Variants in MAP3K7CL observed in about 807,000 individuals in gnomAD.
MAP3K7CL encodes the protein MAP3K7 C-terminal-like protein.
MAP3K7CL carries 16 observed loss-of-function variants against 18.6 expected under a neutral mutation model. The ratio of observed to expected loss-of-function variants is 0.86; its 90% confidence interval spans 0.58 to 1.31. MAP3K7CL has a LOEUF of 1.31. Ranked by LOEUF, MAP3K7CL falls within the 50% of genes most tolerant of loss-of-function variation. The probability of loss-of-function intolerance (pLI) is 0.00; values close to 1 mark genes in which losing one functional copy is unlikely to be tolerated. For synonymous variants in MAP3K7CL, 65 were observed against 66.8 expected, an observed-to-expected ratio of 0.97 and a Z score of 0.13; for missense variants, 163 against 174.4, an observed-to-expected ratio of 0.93 and a Z score of 0.37.
chr21:29,101,263 T>G lies in MAP3K7CL; in HGVS notation c.370+8682T>G, dbSNP rs185496965. ...GAAGTGGAATCATTGGAGACCATTT[T>G]CCAGGCTGTCTAGCACAGAGTATCT... On this transcript the variant is annotated intron_variant, in intron 4 of 6. Transcript: ENST00000286791. Among the ~76,000 whole-genome samples the G allele has an allele frequency of 3.0e-3, 456 of 152,320 alleles. 4 individuals are homozygous for G. The highest frequency in any genetic ancestry group is 0.01 in the African/African-American group (419 of 41,574).
At chr21:29,082,857 C>G (rs575925478), upstream of MAP3K7CL, among the ~76,000 whole-genome samples, 1 of 152,166 alleles carries the variant, frequency 6.6e-6, no homozygotes, top group South Asian at 2.1e-4. Flanking sequence ...TAAGAAAATA[C>G]TGGGATCAAT....
At chr21:29,121,052 T>C (rs1483061995) in intron 4 of MAP3K7CL, among the ~76,000 whole-genome samples, 1 of 52,392 alleles carries the variant, frequency 1.9e-5, no homozygotes, top group Non-Finnish European at 4.2e-5. Flanking sequence ...GGCAACAGAG[T>C]CAGATATATA....
chr21:29,146,196 T>A (rs1439101042), intron 2 of MAP3K7CL, among the ~76,000 whole-genome samples: 1 of 152,192 alleles, frequency 6.6e-6, no homozygotes, highest in African/African-American at 2.4e-5. Context: ...TCTCATACTT[T>A]ACAGAGTGGT....
chr21:29,092,354 A>T, intron 3 of MAP3K7CL: 1 of 1,523,812 alleles, frequency 6.6e-7, no homozygotes, highest in African/African-American at 1.4e-5. Flanking sequence ...ATTTCTTCTC[A>T]GGGAAAAAAA....
In MAP3K7CL at chr21:29,133,382, T is replaced by C; in HGVS notation, c.38T>C (p.Val13Ala). The change falls in exon 2 of 5, where the codon GTA (valine) becomes GCA (alanine). Residue 13 changes from valine (V) to alanine (A), a missense_variant. Val to Ala is a moderately conservative substitution (Grantham distance 64, BLOSUM62 0). Transcript: ENST00000399928. The stretch of plus-strand genomic sequence containing the variant: ...GCCAGGGTACCTGCTGACAAGCCTG[T>C]ACGCATCGCCTTTAGCCTCAATGAC... ...STARVPADKP[V>A]RIAFSLNDAS... 1 of 1,550,282 alleles carries C rather than the reference T, an allele frequency of 6.5e-7. No individual in the cohort carries two copies. The highest frequency in any genetic ancestry group is 8.7e-7 in the Non-Finnish European group (1 of 1,146,740).
In MAP3K7CL at chr21:29,156,702, C is replaced by T. The variant is rs147009579; in HGVS notation, c.133-3239C>T. ...CCATCCTACATGGAACAACACATCA[C>T]ATTATTCTATAGTGCCACTTTTTGT... On this transcript the variant is annotated intron_variant, in intron 3 of 4. Coordinates refer to ENST00000399928, the MANE Select transcript of MAP3K7CL (RefSeq NM_001286620.2). 9.4e-3 allele frequency among the ~76,000 whole-genome samples: 1,438 copies of T among 152,296 alleles called. 38 individuals carry two copies. Among genetic ancestry groups the T allele is most frequent in the Admixed American group, 0.051 (784 of 15,298 alleles).
At chr21:29,083,846 G>GTA (rs916031989), upstream of MAP3K7CL, among the ~76,000 whole-genome samples, 1 of 147,830 alleles carries the variant, frequency 6.8e-6, no homozygotes, top group South Asian at 2.1e-4. Context: ...GTGTGTGTGT[G>GTA]TATATATGTG....
chr21:29,101,622 A>C (rs1334951793), intron 4 of MAP3K7CL, among the ~76,000 whole-genome samples: 2 of 152,036 alleles, frequency 1.3e-5, no homozygotes, highest in African/African-American at 4.8e-5. Context: ...GTTAGCCAGG[A>C]TGGTCTCGAT....
At chr21:29,094,361 C>G (rs911050420) in intron 4 of MAP3K7CL, among the ~76,000 whole-genome samples, 1 of 152,190 alleles carries the variant, frequency 6.6e-6, no homozygotes, top group Non-Finnish European at 1.5e-5. Context: ...GGGGAAGTAT[C>G]GAAACACAGA....
At chr21:29,133,250 GTATT>G in intron 1 of MAP3K7CL, 52 bp from the exon 2 acceptor site, 2 of 1,365,602 alleles carry the variant, frequency 1.5e-6, no homozygotes, top group Non-Finnish European at 2.0e-6. Flanking sequence ...GGGCCTCTGA[GTATT>G]TAGGGGGATG....
At chr21:29,105,155 G>A (rs1568938282) in intron 4 of MAP3K7CL, among the ~76,000 whole-genome samples, 2 of 152,186 alleles carry the variant, frequency 1.3e-5, no homozygotes, top group African/African-American at 4.8e-5. Flanking sequence ...CATTCTCTGG[G>A]CAATTCCTCA....
At chr21:29,166,650 CATATA>C (rs1376433941) in intron 4 of MAP3K7CL, among the ~76,000 whole-genome samples, 2 of 152,316 alleles carry the variant, frequency 1.3e-5, no homozygotes, top group Admixed American at 6.5e-5. Flanking sequence ...CAAATGGAAT[CATATA>C]ATATGTAATC....
chr21:29,098,195 C>G (rs997997346), intron 4 of MAP3K7CL, among the ~76,000 whole-genome samples: 1 of 152,170 alleles, frequency 6.6e-6, no homozygotes, highest in Non-Finnish European at 1.5e-5. Flanking sequence ...ACCAGCAAGT[C>G]AGTTCCCTTT....
intron 2 of MAP3K7CL, among the ~76,000 whole-genome samples, chr21:29,141,535 G>A (rs950687892): frequency 2.7e-5 from 4 of 150,062 alleles, no homozygotes; most frequent in Non-Finnish European, 3.0e-5. Context: ...AAAAAAAAGA[G>A]AGAAATTGTC....
chr21:29,124,274 A>C (rs1460576978), intron 4 of MAP3K7CL, among the ~76,000 whole-genome samples: 3 of 149,376 alleles, frequency 2.0e-5, no homozygotes, highest in Non-Finnish European at 4.4e-5. Flanking sequence ...GAATCGTTTG[A>C]ACCTGGGAGG....
Position 29,109,190 on chromosome 21 carries a change from A to G in MAP3K7CL, c.370+16609A>G, listed in dbSNP as rs762063373. 4.6e-5 allele frequency: 70 copies of G among 1,535,362 alleles called. No homozygotes were observed. In the East Asian group the frequency reaches 1.3e-3, roughly 28 times the overall value. ...CCACCAGTGCGGACTGCAGGTATGG[A>G]CATAGGGAAGGGTGGGTAAGTATTA... On this transcript the variant is annotated intron_variant, in intron 4 of 6. Coordinates refer to the MAP3K7CL transcript ENST00000286791.
Position 29,130,794 on chromosome 21 carries a change from G to A in MAP3K7CL, c.-169G>A. 4.1e-6 allele frequency: 4 copies of A among 985,596 alleles called. No homozygotes were observed. Among genetic ancestry groups the A allele is most frequent in the Non-Finnish European group, 4.8e-6 (4 of 830,032 alleles). 61.1% of individuals were successfully genotyped at this position (985,596 alleles called of 1,614,324 possible). On this transcript the variant is annotated 5_prime_UTR_variant, in exon 1 of 5. Transcript: ENST00000399928. ...CCCTGACAGCTGTCTCCGCTCCTCAGATTGTCAGTGGCTGCTATGCAGCAG... is the reference window on the plus strand; with the variant it reads ...CCCTGACAGCTGTCTCCGCTCCTCAAATTGTCAGTGGCTGCTATGCAGCAG...
intron 2 of MAP3K7CL, among the ~76,000 whole-genome samples, chr21:29,143,353 C>T (rs1001843430): frequency 7.2e-5 from 11 of 151,840 alleles, no homozygotes; most frequent in African/African-American, 1.2e-4. Context: ...GTGGAGTGGG[C>T]TTGGGAATGT....
chr21:29,127,907 CTCTT>C (rs1157887484), upstream of MAP3K7CL: 7 of 152,220 alleles, frequency 4.6e-5, no homozygotes, highest in Admixed American at 1.3e-4. Flanking sequence ...ATGTAACTGT[CTCTT>C]TCTATCTCTG....
Sources: allele counts gnomAD v4.1 joint callset (sites outside exome capture counted in the v4.1 genomes callset), GRCh38; gene constraint gnomAD v4.1.1; transcripts MANE v1.5; gene names NCBI Gene and HGNC (gene_info 2026-07-23, HGNC 2026-07-21).